LARGE1: variants seen among roughly 807,000 people sequenced by gnomAD.
The protein encoded by LARGE1 is xylosyl- and glucuronyltransferase LARGE1.
LARGE1 carries 43 observed loss-of-function variants against 87.6 expected under a neutral mutation model. The observed-to-expected ratio is 0.49, with a 90% CI of 0.38 to 0.63. The LOEUF (loss-of-function observed/expected upper bound fraction) is 0.63. Among genes scored for constraint, LARGE1 ranks in the 30% least tolerant of loss-of-function variants. The pLI, the probability that LARGE1 is intolerant of heterozygous loss-of-function variation, is 0.00. For missense variants in LARGE1, 802 were observed against 1,000.2 expected (o/e 0.80, Z 2.67); for synonymous variants, 434 against 394.6 (o/e 1.10, Z -1.18).
At chr22:33,136,560 A>T in the LARGE1 span, among the ~76,000 whole-genome samples, 1 of 151,930 alleles carries the variant, frequency 6.6e-6, no homozygotes, top group Non-Finnish European at 1.5e-5. Context: ...ACAAAGCAAT[A>T]TTTTTTTTAC....
At chr22:33,278,276 C>T (rs993685747) in intron 13 of LARGE1, among the ~76,000 whole-genome samples, 1 of 152,102 alleles carries the variant, frequency 6.6e-6, no homozygotes, top group Non-Finnish European at 1.5e-5. Flanking sequence ...GAGAGAAATT[C>T]TGCTAACCAC....
Position 33,878,806 on chromosome 22 carries a change from A to C in LARGE1, c.-83+41189T>G, listed in dbSNP as rs894124973. Among the ~76,000 whole-genome samples, 4 of 152,314 alleles carry C rather than the reference A, an allele frequency of 2.6e-5. No individual in the cohort carries two copies. The East Asian group carries it at 7.7e-4, about 29-fold the overall frequency. ...TAACATTCAATTACTTGTCACTGGG[A>C]TCACCGATGGATGCTGTGTTTAATA... On this transcript the variant is annotated intron_variant, in intron 1 of 14. Transcript: ENST00000397394.
At position 33,712,380 on chromosome 22, in the gene LARGE1, C is replaced by T. The variant is rs5754650; in HGVS notation, c.106+48991G>A. 2.8e-3 allele frequency among the ~76,000 whole-genome samples: 419 copies of T among 152,188 alleles called. 2 individuals carry two copies. The East Asian group carries it at 0.031, about 11-fold the overall frequency. Reference sequence around the variant, plus strand: ...CAGCCTTCAGGCAGGCACGAGAAGACGGATCACAGGCTCGAAGGCTTCTAG... The same window carrying T: ...CAGCCTTCAGGCAGGCACGAGAAGATGGATCACAGGCTCGAAGGCTTCTAG... On this transcript the variant is annotated intron_variant, in intron 2 of 14. Transcript: ENST00000397394.
At chr22:33,414,505 G>A (rs2066418526) in intron 7 of LARGE1, among the ~76,000 whole-genome samples, 1 of 152,170 alleles carries the variant, frequency 6.6e-6, no homozygotes, top group Non-Finnish European at 1.5e-5. Flanking sequence ...GAGCAAGTGG[G>A]TAGGACGTAG....
chr22:33,610,261 G>A (rs1473468063), intron 4 of LARGE1, among the ~76,000 whole-genome samples: 1 of 152,226 alleles, frequency 6.6e-6, no homozygotes, highest in Non-Finnish European at 1.5e-5. Flanking sequence ...AGATGGGAAA[G>A]TCTGGAACTT....
intron 11 of LARGE1, among the ~76,000 whole-genome samples, chr22:33,231,950 G>A (rs1332617626): frequency 2.2e-4 from 33 of 152,126 alleles, no homozygotes; most frequent in Admixed American, 2.1e-3. Context: ...ACACCTTAAA[G>A]GTATTATTTC....
intron 1 of LARGE1, among the ~76,000 whole-genome samples, chr22:33,897,269 T>C (rs916618397): frequency 6.6e-6 from 1 of 152,222 alleles, no homozygotes; most frequent in Non-Finnish European, 1.5e-5. Flanking sequence ...ATCAAGCCCA[T>C]TCTTTTGCAA....
the LARGE1 span, among the ~76,000 whole-genome samples, chr22:33,145,923 T>A: frequency 6.6e-6 from 1 of 152,096 alleles, no homozygotes; most frequent in Non-Finnish European, 1.5e-5. Context: ...GGCAAAAGTA[T>A]GGGGAAAATC....
At chr22:33,342,064 C>T (rs995171234) in intron 9 of LARGE1, among the ~76,000 whole-genome samples, 1 of 152,106 alleles carries the variant, frequency 6.6e-6, no homozygotes, top group South Asian at 2.1e-4. Flanking sequence ...TCTTCTTGTG[C>T]CTTTTGAAGG....
intron 9 of LARGE1, among the ~76,000 whole-genome samples, chr22:33,347,900 T>C (rs2146707805): frequency 6.6e-6 from 1 of 152,306 alleles, no homozygotes; most frequent in Admixed American, 6.5e-5. Context: ...CATTCAGTTA[T>C]AAAAGACATC....
At chr22:33,327,617 G>T (rs908964558) in intron 10 of LARGE1, among the ~76,000 whole-genome samples, 1 of 152,162 alleles carries the variant, frequency 6.6e-6, no homozygotes, top group African/African-American at 2.4e-5. Context: ...GTGTGGTGGT[G>T]CCGTCTCGAT....
At chr22:33,108,616 G>T in the LARGE1 span, 10 of 152,252 alleles carry the variant, frequency 6.6e-5, no homozygotes, top group African/African-American at 2.4e-4. Context: ...AGGGGAACTA[G>T]TAGAATCCTG....
At chr22:33,384,718 G>A (rs755955901) in intron 7 of LARGE1, among the ~76,000 whole-genome samples, 2 of 148,442 alleles carry the variant, frequency 1.3e-5, no homozygotes, top group Non-Finnish European at 3.0e-5. Flanking sequence ...ACTTCATGCC[G>A]CTCAACTGTA....
intron 2 of LARGE1, among the ~76,000 whole-genome samples, chr22:33,721,665 T>A (rs540308453): frequency 6.6e-6 from 1 of 152,284 alleles, no homozygotes; most frequent in East Asian, 1.9e-4. Flanking sequence ...AGCCACACAG[T>A]AAATGCATGT....
intron 1 of LARGE1, among the ~76,000 whole-genome samples, chr22:33,836,907 C>T (rs963788057): frequency 1.3e-5 from 2 of 152,046 alleles, no homozygotes; most frequent in Non-Finnish European, 2.9e-5. Context: ...CTCAATAAGC[C>T]AGTTCAGATA....
At chr22:33,676,471 G>C (rs5999053) in intron 2 of LARGE1, among the ~76,000 whole-genome samples, 1 of 116,786 alleles carries the variant, frequency 8.6e-6, no homozygotes, top group Non-Finnish European at 1.7e-5. Context: ...AAATATACCA[G>C]ACTTCTAAGT....
Position 33,450,367 on chromosome 22 carries a change from C to T in LARGE1, c.788-18102G>A, listed in dbSNP as rs190784870. ...ATAAAGAGGAGATCCCTTGGGAGGC[C>T]GAGGCAGGCAGATCACGTGAGGTCA... is the stretch of plus-strand genomic sequence containing the variant. On this transcript the variant is annotated intron_variant, in intron 6 of 14. Coordinates refer to ENST00000397394, the MANE Select transcript of LARGE1 (RefSeq NM_133642.5). Among the ~76,000 whole-genome samples the T allele has an allele frequency of 6.0e-3, 903 of 150,836 alleles. 5 individuals are homozygous for T. Among genetic ancestry groups the T allele is most frequent in the South Asian group, 0.028 (135 of 4,754 alleles).
chr22:33,069,843 G>GT, the LARGE1 span, among the ~76,000 whole-genome samples: 1 of 140,466 alleles, frequency 7.1e-6, no homozygotes, highest in African/African-American at 2.6e-5. Flanking sequence ...TTGAGACGGA[G>GT]TTTTGCTCCT....
chr22:33,439,128 C>T (rs535797465), intron 6 of LARGE1, among the ~76,000 whole-genome samples: 3 of 151,554 alleles, frequency 2.0e-5, no homozygotes, highest in South Asian at 2.1e-4. Flanking sequence ...GCATGAGAAT[C>T]GCTTGAACTT....
Sources: gnomAD v4.1 joint callset for allele counts (sites outside exome capture counted in the v4.1 genomes callset) on GRCh38, gnomAD v4.1.1 for gene constraint, MANE v1.5 for transcripts, NCBI Gene and HGNC (gene_info 2026-07-23, HGNC 2026-07-21) for gene names.